The following DCDC1 variants were observed in gnomAD, a reference collection of about 807,000 sequenced individuals.
DCDC1 encodes doublecortin domain containing 1.
DCDC1 carries 200 observed loss-of-function variants against 178.3 expected under a neutral mutation model. The observed-to-expected ratio is 1.12, with a 90% CI of 1.00 to 1.26. The LOEUF (loss-of-function observed/expected upper bound fraction) is 1.26, where lower values mean the gene tolerates loss of function less well. Among genes scored for constraint, DCDC1 ranks in the 50% most tolerant of loss-of-function variants. The pLI is 0.00. For missense variants in DCDC1, 1,983 were observed against 1,749.2 expected (o/e 1.13, Z -2.38); for synonymous variants, 690 against 604.8 (o/e 1.14, Z -2.07).
intron 9 of DCDC1, among the ~76,000 whole-genome samples, chr11:31,138,755 T>C (rs1193991634): frequency 6.6e-6 from 1 of 152,200 alleles, no homozygotes; most frequent in Non-Finnish European, 1.5e-5. Flanking sequence ...AAACCCTACC[T>C]GAAGACTTAC....
At chr11:31,041,662 C>A (rs911762262) in intron 20 of DCDC1, among the ~76,000 whole-genome samples, 1 of 152,110 alleles carries the variant, frequency 6.6e-6, no homozygotes, top group Non-Finnish European at 1.5e-5. Context: ...TATTATCTCA[C>A]TTAACCATCA....
intron 17 of DCDC1, among the ~76,000 whole-genome samples, chr11:31,082,077 C>G (rs904358315): frequency 6.6e-6 from 1 of 151,942 alleles, no homozygotes; most frequent in Non-Finnish European, 1.5e-5. Context: ...TCAAAAAGCA[C>G]CAAGCTAAAA....
At chr11:31,270,373 T>A (rs1945468403) in intron 7 of DCDC1, among the ~76,000 whole-genome samples, 1 of 152,240 alleles carries the variant, frequency 6.6e-6, no homozygotes, top group South Asian at 2.1e-4. Flanking sequence ...AAGGCTGAGA[T>A]AGTTGCTACA....
In DCDC1 at chr11:31,199,088, G is replaced by A. The variant is rs576705089; in HGVS notation, c.1221+42362C>T. Among the ~76,000 whole-genome samples the A allele has an allele frequency of 1.7e-4, 26 of 152,054 alleles. 1 individual carries two copies. The South Asian group carries it at 5.2e-3, about 30-fold the overall frequency. ...GCAAAATATGATAGCAAATTTCAAAGAAGTTATTTAACTAAAATCCCAAAA... is the reference window on the plus strand; with the variant it reads ...GCAAAATATGATAGCAAATTTCAAAAAAGTTATTTAACTAAAATCCCAAAA... On this transcript the variant is annotated intron_variant, in intron 9 of 38. Coordinates refer to ENST00000684477, the MANE Select transcript of DCDC1 (RefSeq NM_001387274.1).
chr11:31,192,255 A>C (rs577539003), intron 9 of DCDC1, among the ~76,000 whole-genome samples: 1 of 152,176 alleles, frequency 6.6e-6, no homozygotes, highest in Non-Finnish European at 1.5e-5. Flanking sequence ...TCCTGTATTG[A>C]CAACTTTTTT....
chr11:31,125,470 G>A (rs1269700899), intron 11 of DCDC1, among the ~76,000 whole-genome samples: 1 of 152,116 alleles, frequency 6.6e-6, no homozygotes, highest in Non-Finnish European at 1.5e-5. Flanking sequence ...AAAGATACAT[G>A]CATGTGTATG....
chr11:31,279,015 G>A lies in DCDC1; in HGVS notation c.960+11632C>T, dbSNP rs188398314. Among the ~76,000 whole-genome samples the A allele has an allele frequency of 9.9e-5, 15 of 152,178 alleles. 1 individual carries two copies. The East Asian group carries it at 2.9e-3, about 29-fold the overall frequency. ...AAGAAAAGACTGGTTGAATTTTGGT[G>A]AGTATTGTGATGACTATATAGATCA... On this transcript the variant is annotated intron_variant, in intron 7 of 38. Transcript: ENST00000684477.
At chr11:31,116,987 T>G (rs1351024951) in intron 11 of DCDC1, among the ~76,000 whole-genome samples, 1 of 152,150 alleles carries the variant, frequency 6.6e-6, no homozygotes, top group African/African-American at 2.4e-5. Context: ...GTATGTAAAG[T>G]AGGTGGCTGC....
At chr11:31,205,610 A>G (rs1412022733) in intron 9 of DCDC1, among the ~76,000 whole-genome samples, 1 of 152,330 alleles carries the variant, frequency 6.6e-6, no homozygotes, top group East Asian at 1.9e-4. Flanking sequence ...TATTAATTCC[A>G]TCATATGAGC....
intron 9 of DCDC1, among the ~76,000 whole-genome samples, chr11:31,228,726 G>C (rs1215007441): frequency 6.6e-6 from 1 of 152,054 alleles, no homozygotes; most frequent in East Asian, 1.9e-4. Flanking sequence ...AAATTCTATA[G>C]ACTTCAAATG....
intron 36 of DCDC1, among the ~76,000 whole-genome samples, chr11:30,888,162 G>GAA (rs1565030599): frequency 8.3e-6 from 1 of 121,206 alleles, no homozygotes; most frequent in Admixed American, 8.4e-5. Context: ...AAGAAAGAAA[G>GAA]GGAAAGAAAG....
chr11:31,230,445 C>T (rs1014851523), intron 9 of DCDC1, among the ~76,000 whole-genome samples: 20 of 151,976 alleles, frequency 1.3e-4, no homozygotes, highest in African/African-American at 3.4e-4. Context: ...GGGTGGTTCA[C>T]GCAGGCCAAG....
At chr11:31,086,963 AT>A (rs1297917967) in intron 17 of DCDC1, among the ~76,000 whole-genome samples, 1 of 151,998 alleles carries the variant, frequency 6.6e-6, no homozygotes, top group Non-Finnish European at 1.5e-5. Flanking sequence ...AATTGGTATT[AT>A]TTTTCCTAAA....
intron 1 of DCDC1, among the ~76,000 whole-genome samples, chr11:31,362,347 G>C (rs771409433): frequency 2.6e-5 from 4 of 152,034 alleles, no homozygotes; most frequent in Non-Finnish European, 5.9e-5. Context: ...ATACTACAAA[G>C]ATTTTTTAAA....
intron 20 of DCDC1, among the ~76,000 whole-genome samples, chr11:30,990,650 T>C (rs1330915356): frequency 2.6e-5 from 4 of 152,234 alleles, no homozygotes; most frequent in Non-Finnish European, 4.4e-5. Context: ...ACCTTATTTT[T>C]ACCTCGGGTA....
At chr11:31,090,741 A>G (rs894310371) in intron 17 of DCDC1, among the ~76,000 whole-genome samples, 1 of 152,208 alleles carries the variant, frequency 6.6e-6, no homozygotes, top group African/African-American at 2.4e-5. Flanking sequence ...AAGTGCCTAT[A>G]TAGCCAGAAG....
At chr11:30,907,805 C>T (rs993847912) in intron 29 of DCDC1, among the ~76,000 whole-genome samples, 6 of 152,110 alleles carry the variant, frequency 3.9e-5, no homozygotes, top group South Asian at 2.1e-4. Context: ...CTCTAATCGC[C>T]GGCTCGCCAA....
intron 20 of DCDC1, among the ~76,000 whole-genome samples, chr11:30,971,831 G>T (rs1478725678): frequency 6.6e-6 from 1 of 151,878 alleles, no homozygotes; most frequent in Admixed American, 6.6e-5. Context: ...CGATGGTCTC[G>T]ATCTCCTGAC....
rs981750193 is a variant in DCDC1, at chr11:31,218,636, G to GA, written c.1221+22813dup. 2.0e-5 allele frequency among the ~76,000 whole-genome samples: 3 copies of GA among 151,736 alleles called. No individual in the cohort carries two copies. The South Asian group carries it at 6.2e-4, about 31-fold the overall frequency. On this transcript the variant is annotated intron_variant, in intron 9 of 38. Transcript: ENST00000684477. The stretch of plus-strand genomic sequence containing the variant: ...TCAGCATAAATATACTTTTATAAAA[G>GA]AAAAAAAGGGTCATAATAAAATGTA...
Sources: gnomAD v4.1 joint callset for allele counts (sites outside exome capture counted in the v4.1 genomes callset) on GRCh38, gnomAD v4.1.1 for gene constraint, MANE v1.5 for transcripts, NCBI Gene and HGNC (gene_info 2026-07-23, HGNC 2026-07-21) for gene names.